SH3GLB2: variants seen among roughly 807,000 people sequenced by gnomAD.
SH3GLB2 encodes endophilin-B2.
A neutral mutation model predicts 48.0 loss-of-function variants in SH3GLB2; 24 were observed. The observed-to-expected ratio is 0.50, with a 90% CI of 0.36 to 0.70. The LOEUF is 0.70. Among genes scored for constraint, SH3GLB2 ranks in the 30% least tolerant of loss-of-function variants. The probability of loss-of-function intolerance (pLI) is 0.00; values close to 1 mark genes in which losing one functional copy is unlikely to be tolerated. For missense variants in SH3GLB2, 425 were observed against 516.0 expected, an observed-to-expected ratio of 0.82 and a Z score of 1.71; for synonymous variants, 227 against 207.6, an observed-to-expected ratio of 1.09 and a Z score of -0.80.
At chr9:129,022,244 G>C (rs117054692) in intron 2 of SH3GLB2, 38 bp downstream of exon 2, 218 of 1,607,206 alleles carry the variant, frequency 1.4e-4, no homozygotes, top group Non-Finnish European at 1.7e-4. Context: ...CCTGCCCCAC[G>C]ACTACATCCC....
intron 7 of SH3GLB2, 44 bp downstream of exon 7, chr9:129,010,626 C>T (rs1443542107): frequency 1.2e-6 from 2 of 1,610,224 alleles, no homozygotes; most frequent in South Asian, 1.1e-5. Flanking sequence ...CTGCACCCCG[C>T]CACCCCTTCT....
At chr9:129,020,052 A>G (rs985892698) in intron 3 of SH3GLB2, among the ~76,000 whole-genome samples, 2 of 151,446 alleles carry the variant, frequency 1.3e-5, no homozygotes, top group African/African-American at 4.9e-5. Flanking sequence ...AAAAATACAA[A>G]AAAGTTAGCC....
Position 129,014,771 on chromosome 9 carries a change from C to G in SH3GLB2, c.468G>C (p.Ser156=), listed in dbSNP as rs756747091. ...NFLEGDWKTI[S]KERRLLQNRR... is the part of the protein sequence containing the mutation. ...AGCGGAATAGTCCCAGGGCCCTCACCGAGATGGTCTTCCAGTCCCCCTCCA... is the reference window on the plus strand; with the variant it reads ...AGCGGAATAGTCCCAGGGCCCTCACGGAGATGGTCTTCCAGTCCCCCTCCA... The change falls in exon 4 of 11, where the codon TCG becomes TCC. Residue 156 remains serine, a splice_region_variant and synonymous_variant. Coordinates refer to ENST00000372564, the MANE Select transcript of SH3GLB2 (RefSeq NM_020145.4). The surrounding 1 kb of genome is among the most constrained non-coding windows in gnomAD (Gnocchi z 4.1). 1 of 1,612,628 alleles carries G rather than the reference C, an allele frequency of 6.2e-7. No individual in the cohort carries two copies. The highest frequency in any genetic ancestry group is 1.1e-5 in the South Asian group (1 of 90,964).
In SH3GLB2 at chr9:129,014,400, G is replaced by T; in HGVS notation, c.561+11C>A. 6.5e-7 allele frequency: 1 copy of T among 1,549,482 alleles called. No homozygotes were observed. The highest frequency in any genetic ancestry group is 8.7e-7 in the Non-Finnish European group (1 of 1,146,874). On this transcript the variant is annotated intron_variant, in intron 5 of 10. Transcript: ENST00000372564. This position sits in a 1 kb window ranked among gnomAD's most constrained non-coding sequence, Gnocchi z 4.1. ...TGGGCCAGGAGGCCAGCGGGGAGCG[G>T]GGACACCTACCGTGGCTTTGGCTTC...
intron 3 of SH3GLB2, among the ~76,000 whole-genome samples, chr9:129,020,875 A>G (rs902622344): frequency 8.8e-6 from 1 of 113,820 alleles, no homozygotes; most frequent in Non-Finnish European, 1.8e-5. Flanking sequence ...ATCTCAAAAA[A>G]AAACAAAAAC....
chr9:129,018,883 C>T (rs892626615), intron 3 of SH3GLB2, among the ~76,000 whole-genome samples: 12 of 148,078 alleles, frequency 8.1e-5, no homozygotes, highest in African/African-American at 2.3e-4. Context: ...CAGAGTGAGA[C>T]TCCATCTCAA....
intron 3 of SH3GLB2, among the ~76,000 whole-genome samples, chr9:129,020,047 T>C (rs1363950962): frequency 1.4e-5 from 2 of 147,780 alleles, no homozygotes; most frequent in African/African-American, 5.0e-5. Context: ...CTACTAAAAA[T>C]ACAAAAAAGT....
In SH3GLB2 at chr9:129,008,443, G is replaced by C. The variant is rs1842887917; in HGVS notation, c.*241C>G. 2 of 477,198 alleles carry C rather than the reference G, an allele frequency of 4.2e-6. No homozygotes were observed. The highest frequency in any genetic ancestry group is 4.0e-5 in the East Asian group (1 of 24,794). The allele number at this position is 477,198 out of a possible 1,614,324, so 29.6% of individuals were successfully genotyped here. On this transcript the variant is annotated 3_prime_UTR_variant, in exon 11 of 11. Coordinates refer to ENST00000372564, the MANE Select transcript of SH3GLB2 (RefSeq NM_020145.4). The stretch of plus-strand genomic sequence containing the variant: ...TCCTTAGTGGAGCCTGGAGGGTGGG[G>C]TGCTCGGGGATGCAGGCAGGGGCAG...
intron 3 of SH3GLB2, among the ~76,000 whole-genome samples, chr9:129,015,514 C>T (rs1441213081): frequency 1.3e-5 from 2 of 151,990 alleles, no homozygotes; most frequent in Admixed American, 1.3e-4. Flanking sequence ...GGTGGGCAGA[C>T]TGCTTGAACC....
chr9:129,018,311 C>T lies in SH3GLB2; in HGVS notation c.334+2780G>A, dbSNP rs752669702. ...AAATTAAATTGGCTGGGCGCAGTGG[C>T]TCACGCCTGTAATCCCAGCACTTTG... On this transcript the variant is annotated intron_variant, in intron 3 of 10. Transcript: ENST00000372564. Among the ~76,000 whole-genome samples, 7 of 152,364 alleles carry T rather than the reference C, an allele frequency of 4.6e-5. No individual in the cohort carries two copies. The East Asian group carries it at 5.8e-4, about 13-fold the overall frequency.
intron 9 of SH3GLB2, 75 bp from the exon 10 acceptor site, chr9:129,009,421 C>G (rs866745124): frequency 6.5e-7 from 1 of 1,550,322 alleles, no homozygotes; most frequent in Middle Eastern, 1.7e-4. Flanking sequence ...CTCCCCAGCC[C>G]CAGGAGCCCC....
At position 129,011,881 on chromosome 9, in the gene SH3GLB2, CAG is replaced by C; in HGVS notation, c.624+353_624+354del. 1 of 255,696 alleles carries C rather than the reference CAG, an allele frequency of 3.9e-6. No individual in the cohort carries two copies. Among genetic ancestry groups the C allele is most frequent in the Non-Finnish European group, 7.4e-6 (1 of 135,302 alleles). 15.8% of individuals were successfully genotyped at this position (255,696 alleles called of 1,614,324 possible). A position where few individuals can be genotyped will look rare whatever the true frequency, so the allele number is the denominator to read the frequency against. On this transcript the variant is annotated intron_variant, in intron 6 of 10. Transcript: ENST00000372564. The surrounding 1 kb of genome is among the most constrained non-coding windows in gnomAD (Gnocchi z 4.5). The stretch of plus-strand genomic sequence containing the variant: ...ACGGCCAGGCCTCCTCCTCTATCCT[CAG>C]GGCCTCCCCAGGGCCTGGCATTCAG...
chr9:129,010,763 G>A (rs374250111), intron 6 of SH3GLB2, 70 bp from the exon 7 acceptor site: 6 of 1,589,322 alleles, frequency 3.8e-6, no homozygotes, highest in East Asian at 4.5e-5. Context: ...TAGAGCCTGT[G>A]CCCTGCCCCA....
intron 2 of SH3GLB2, among the ~76,000 whole-genome samples, chr9:129,021,822 G>A (rs1843820225): frequency 6.6e-6 from 1 of 151,986 alleles, no homozygotes; most frequent in Non-Finnish European, 1.5e-5. Context: ...AGCTGGGCGT[G>A]GTGGCATGTG....
rs1179518758 is a variant in SH3GLB2, at chr9:129,012,276, G to A, written c.584C>T (p.Thr195Ile). Residue 195 changes from threonine (T) to isoleucine (I), a missense_variant, in exon 6 of 11, where the codon ACT becomes ATT. Coordinates refer to ENST00000372564, the MANE Select transcript of SH3GLB2 (RefSeq NM_020145.4). ...CGAGAGAATGTAATTACGAGGTCTAGTCTCCTGAAAGTCAGGCACCGTCTG... is the reference window on the plus strand; with the variant it reads ...CGAGAGAATGTAATTACGAGGTCTAATCTCCTGAAAGTCAGGCACCGTCTG... ...KATTVPDFQE[T>I]RPRNYILSAS... is the part of the protein sequence containing the mutation. 1.1e-5 allele frequency: 14 copies of A among 1,304,726 alleles called. No individual in the cohort carries two copies. The highest frequency in any genetic ancestry group is 1.4e-5 in the Non-Finnish European group (14 of 1,019,428). 80.8% of individuals were successfully genotyped at this position (1,304,726 alleles called of 1,614,324 possible). A position where few individuals can be genotyped will look rare whatever the true frequency, so the allele number is the denominator to read the frequency against.
intron 1 of SH3GLB2, among the ~76,000 whole-genome samples, chr9:129,027,045 C>T (rs922476665): frequency 4.6e-5 from 7 of 152,098 alleles, no homozygotes; most frequent in African/African-American, 1.7e-4. Flanking sequence ...ACAACGACAA[C>T]GACAAAGACA....
In SH3GLB2 at chr9:129,009,183, T is replaced by TG; in HGVS notation, c.1002dup (p.Ser335GlnfsTer11). The TG allele has an allele frequency of 1.2e-6, 2 of 1,611,778 alleles. No homozygotes were observed. The highest frequency in any genetic ancestry group is 1.7e-6 in the Non-Finnish European group (2 of 1,179,486). ...AGCACCCGAGCTTTGCGGGTCCCAC[T>TG]GGCAGGGGGGGCCACCTCTTCCAGG... On this transcript the variant is annotated frameshift_variant, in exon 10 of 11. Transcript: ENST00000372564. LOFTEE classifies it high-confidence loss of function.
In SH3GLB2 at chr9:129,012,407, G is replaced by A. The variant is rs17452555; in HGVS notation, c.562-109C>T. On this transcript the variant is annotated intron_variant, in intron 5 of 10. Coordinates refer to ENST00000372564, the MANE Select transcript of SH3GLB2 (RefSeq NM_020145.4). ...TGCACAAGGAGATGCCAAGAGGCCT[G>A]ACCCCAGGGACGGGGATACAAACAC... is the stretch of plus-strand genomic sequence containing the variant. 3.7e-3 allele frequency: 2,173 copies of A among 582,690 alleles called. 73 individuals carry two copies. In the East Asian group the frequency reaches 0.059, roughly 16 times the overall value. The allele number at this position is 582,690 out of a possible 1,614,324, so 36.1% of individuals were successfully genotyped here. A position where few individuals can be genotyped will look rare whatever the true frequency, so the allele number is the denominator to read the frequency against.
chr9:129,012,071 G>T (rs1843156428), intron 6 of SH3GLB2, 165 bp downstream of exon 6: 1 of 419,386 alleles, frequency 2.4e-6, no homozygotes, highest in Non-Finnish European at 4.1e-6. Flanking sequence ...GTGGACAGAG[G>T]TGGGGGCTGC....
Sources: allele counts gnomAD v4.1 joint callset (sites outside exome capture counted in the v4.1 genomes callset), GRCh38; gene constraint gnomAD v4.1.1; non-coding constraint Gnocchi (gnomAD v3.1); transcripts MANE v1.5; gene names NCBI Gene and HGNC (gene_info 2026-07-23, HGNC 2026-07-21).